TTBK2: variants seen among roughly 807,000 people sequenced by gnomAD.
TTBK2 encodes tau tubulin kinase 2.
Under a neutral mutation model 110.8 loss-of-function variants are expected in TTBK2, and 28 were observed. That is an observed-to-expected ratio of 0.25 (90% CI 0.19 to 0.35). TTBK2 has a LOEUF of 0.35. Among genes scored for constraint, TTBK2 ranks in the 10% least tolerant of loss-of-function variants. TTBK2 has a pLI of 1.00. For missense variants in TTBK2, 1,369 were observed against 1,500.3 expected (o/e 0.91, Z 1.45); for synonymous variants, 532 against 527.3 (o/e 1.01, Z -0.12).
At chr15:42,907,638 T>C (rs1377883897) in intron 1 of TTBK2, among the ~76,000 whole-genome samples, 1 of 152,020 alleles carries the variant, frequency 6.6e-6, no homozygotes, top group Non-Finnish European at 1.5e-5. Context: ...AGAGAGTAGA[T>C]TGGTGGTTAC....
chr15:42,912,515 T>A (rs890850896), intron 1 of TTBK2, among the ~76,000 whole-genome samples: 3 of 151,614 alleles, frequency 2.0e-5, no homozygotes, highest in Non-Finnish European at 4.4e-5. Context: ...TCAAGACCAG[T>A]CTGGCCAACA....
chr15:42,738,876 C>T lies in TTBK2; in HGVS notation c.*6919G>A, dbSNP rs970215324. 1 of 152,104 alleles carries T rather than the reference C, an allele frequency of 6.6e-6. No homozygotes were observed. The highest frequency in any genetic ancestry group is 1.5e-5 in the Non-Finnish European group (1 of 68,008). 9.4% of individuals were successfully genotyped at this position (152,104 alleles called of 1,614,324 possible). Reference sequence around the variant, plus strand: ...ATTTACAGTAACACTATCTGCTCCCCGTTGATCTTGTAACATCTGGTGTAT... The same window carrying T: ...ATTTACAGTAACACTATCTGCTCCCTGTTGATCTTGTAACATCTGGTGTAT... On this transcript the variant is annotated 3_prime_UTR_variant, in exon 15 of 15. Coordinates refer to ENST00000267890, the MANE Select transcript of TTBK2 (RefSeq NM_173500.4).
At chr15:42,817,612 T>C (rs1892092686) in intron 6 of TTBK2, among the ~76,000 whole-genome samples, 1 of 152,152 alleles carries the variant, frequency 6.6e-6, no homozygotes, top group Admixed American at 6.5e-5. Flanking sequence ...AAATTCAAGT[T>C]ATCGGATGCT....
In TTBK2 at chr15:42,838,442, C is replaced by A. The variant is rs547633240; in HGVS notation, c.291+1918G>T. Among the ~76,000 whole-genome samples the A allele has an allele frequency of 3.3e-5, 5 of 151,824 alleles. No individual in the cohort carries two copies. In the South Asian group the frequency reaches 1.0e-3, roughly 32 times the overall value. On this transcript the variant is annotated intron_variant, in intron 4 of 14. Coordinates refer to ENST00000267890, the MANE Select transcript of TTBK2 (RefSeq NM_173500.4). ...AAATAGAAAGGTTTCCCTCTTCTCC[C>A]CACTATAGCCATTATTCCAATATTC...
intron 4 of TTBK2, among the ~76,000 whole-genome samples, chr15:42,837,357 CA>C (rs962772134): frequency 0.03 from 1,672 of 56,308 alleles, 12 homozygotes; most frequent in Non-Finnish European, 0.037. Flanking sequence ...GACTCCATCT[CA>C]AAAAAAAAAA....
At chr15:42,884,084 C>T (rs1284986962) in intron 1 of TTBK2, among the ~76,000 whole-genome samples, 1 of 152,030 alleles carries the variant, frequency 6.6e-6, no homozygotes, top group Non-Finnish European at 1.5e-5. Flanking sequence ...AACATGTATG[C>T]ACCTTAAAAA....
At chr15:42,865,488 G>T (rs1269475310) in intron 3 of TTBK2, among the ~76,000 whole-genome samples, 22 of 136,292 alleles carry the variant, frequency 1.6e-4, no homozygotes, top group African/African-American at 6.3e-4. Context: ...GACAGAAAAA[G>T]AATGGAAGAC....
intron 2 of TTBK2, among the ~76,000 whole-genome samples, chr15:42,877,196 C>T (rs1260789289): frequency 6.6e-6 from 1 of 152,032 alleles, no homozygotes; most frequent in Non-Finnish European, 1.5e-5. Flanking sequence ...AACTAACAGA[C>T]CTAGGTAATG....
rs528039690 is a variant in TTBK2 at position 42,794,847 on chromosome 15, G to A, written c.823-46C>T. ...CTAGAGTAAGTGAACAGTAAACATA[G>A]TCACTTTATTCTATAAGAGAAAGCA... On this transcript the variant is annotated intron_variant, in intron 9 of 14. Transcript: ENST00000267890. 1.9e-6 allele frequency: 3 copies of A among 1,603,736 alleles called. No individual in the cohort carries two copies. The African/African-American group carries it at 4.0e-5, about 21-fold the overall frequency.
At chr15:42,763,836 G>A (rs750095154) in intron 13 of TTBK2, among the ~76,000 whole-genome samples, 3 of 152,228 alleles carry the variant, frequency 2.0e-5, no homozygotes, top group African/African-American at 7.2e-5. Context: ...CAAAACCTAC[G>A]TGAATGAAAA....
intron 6 of TTBK2, among the ~76,000 whole-genome samples, chr15:42,826,290 A>G (rs183621708): frequency 5.9e-5 from 9 of 152,200 alleles, no homozygotes; most frequent in African/African-American, 1.9e-4. Context: ...ATTTCATCAA[A>G]CCAAAACTTT....
intron 1 of TTBK2, among the ~76,000 whole-genome samples, chr15:42,890,585 TAGTAAGAAC>T: frequency 6.6e-6 from 1 of 152,238 alleles, no homozygotes; most frequent in East Asian, 1.9e-4. Context: ...TTCAGTATAG[TAGTAAGAAC>T]AGTTTATTTT....
intron 1 of TTBK2, among the ~76,000 whole-genome samples, chr15:42,905,783 C>T (rs2030352435): frequency 6.6e-6 from 1 of 151,954 alleles, no homozygotes; most frequent in African/African-American, 2.4e-5. Flanking sequence ...CTTCTCTGTA[C>T]CTCAATTTCC....
intron 1 of TTBK2, among the ~76,000 whole-genome samples, chr15:42,893,726 A>G (rs1895557439): frequency 6.6e-6 from 1 of 152,092 alleles, no homozygotes; most frequent in Non-Finnish European, 1.5e-5. Flanking sequence ...TACAATTTAT[A>G]ACCTTTTAGG....
chr15:42,808,373 C>G (rs958517530), intron 9 of TTBK2, among the ~76,000 whole-genome samples: 1 of 152,060 alleles, frequency 6.6e-6, no homozygotes, highest in African/African-American at 2.4e-5. Flanking sequence ...TTGATTATAA[C>G]AAAAAAACTG....
chr15:42,890,019 C>A (rs930402159), intron 1 of TTBK2, among the ~76,000 whole-genome samples: 1 of 152,180 alleles, frequency 6.6e-6, no homozygotes, highest in Admixed American at 6.5e-5. Context: ...ACGTATATAT[C>A]CAGATGGCCT....
rs550408650 is a variant in TTBK2, at chr15:42,763,831, C to T, written c.1999-10584G>A. On this transcript the variant is annotated intron_variant, in intron 13 of 14. Transcript: ENST00000267890. ...AAACTAAAAACCTAAAGCCTCAAAA[C>T]CTACGTGAATGAAAAGTAAAAGCTG... Among the ~76,000 whole-genome samples, 339 of 152,256 alleles carry T rather than the reference C, an allele frequency of 2.2e-3. 1 individual carries two copies. Among genetic ancestry groups the T allele is most frequent in the South Asian group, 0.015 (74 of 4,822 alleles).
chr15:42,837,103 G>C (rs189737923), intron 4 of TTBK2, among the ~76,000 whole-genome samples: 2 of 152,088 alleles, frequency 1.3e-5, no homozygotes, highest in African/African-American at 4.8e-5. Flanking sequence ...CTTACGTCTA[G>C]AATCCCAGGG....
intron 5 of TTBK2, 64 bp downstream of exon 5, chr15:42,829,874 G>C (rs888611159): frequency 1.3e-4 from 206 of 1,582,814 alleles, no homozygotes; most frequent in Non-Finnish European, 1.8e-4. Context: ...GTAATTTATT[G>C]TGTCCCATCA....
Sources: gnomAD v4.1 joint callset for allele counts (sites outside exome capture counted in the v4.1 genomes callset) on GRCh38, gnomAD v4.1.1 for gene constraint, MANE v1.5 for transcripts, NCBI Gene and HGNC (gene_info 2026-07-23, HGNC 2026-07-21) for gene names.